Variants in SPTBN1 observed in about 807,000 individuals in gnomAD.
SPTBN1 encodes spectrin beta chain, non-erythrocytic 1.
Under a neutral mutation model 266.4 loss-of-function variants are expected in SPTBN1, and 32 were observed. The observed-to-expected ratio is 0.12, with a 90% CI of 0.09 to 0.16. The LOEUF (loss-of-function observed/expected upper bound fraction) is 0.16, where lower values mean the gene tolerates loss of function less well. SPTBN1 is among the 10% of genes least tolerant of loss of function. The pLI is 1.00. For missense variants in SPTBN1, 2,296 were observed against 3,067.1 expected, an observed-to-expected ratio of 0.75 and a Z score of 5.94; for synonymous variants, 1,336 against 1,162.2, an observed-to-expected ratio of 1.15 and a Z score of -3.04.
intron 4 of SPTBN1, among the ~76,000 whole-genome samples, chr2:54,614,405 C>T (rs1470150661): frequency 1.3e-5 from 2 of 151,948 alleles, no homozygotes; most frequent in South Asian, 2.1e-4. Context: ...TGTGTGCGTG[C>T]GTGTGCTCTC....
chr2:54,612,247 T>C lies in SPTBN1; in HGVS notation c.387T>C (p.His129=). Residue 129 remains histidine (H), a synonymous_variant, in exon 4 of 36, where the codon CAT becomes CAC. Transcript: ENST00000356805. The stretch of plus-strand genomic sequence containing the variant: ...AGTTCCTGAAGGAGCAGAGAGTCCA[T>C]CTTGAGAACATGGGGTCCCATGACA... ...ALQFLKEQRV[H]LENMGSHDIV... 1.2e-6 allele frequency: 2 copies of C among 1,614,078 alleles called. No individual in the cohort carries two copies. The highest frequency in any genetic ancestry group is 1.7e-6 in the Non-Finnish European group (2 of 1,179,956).
At chr2:54,593,822 A>ATTTTT (rs1675848999) in intron 2 of SPTBN1, among the ~76,000 whole-genome samples, 1 of 69,922 alleles carries the variant, frequency 1.4e-5, no homozygotes, top group East Asian at 4.7e-4. Flanking sequence ...TCATGGAAAC[A>ATTTTT]CTTTTTTTTT....
At chr2:54,501,277 G>A (rs1281725493) in intron 1 of SPTBN1, among the ~76,000 whole-genome samples, 1 of 152,142 alleles carries the variant, frequency 6.6e-6, no homozygotes, top group Non-Finnish European at 1.5e-5. Context: ...TGCCTCTGGG[G>A]CTTTTTGGCT....
chr2:54,661,962 G>C (rs1187785010), intron 32 of SPTBN1: 1 of 985,284 alleles, frequency 1.0e-6, no homozygotes, highest in African/African-American at 1.7e-5. Flanking sequence ...AGAAGAAAAA[G>C]TATTTTTATT....
chr2:54,650,953 C>T (rs947384040), intron 26 of SPTBN1, among the ~76,000 whole-genome samples: 13 of 152,210 alleles, frequency 8.5e-5, no homozygotes, highest in African/African-American at 3.1e-4. Context: ...GTTGTTCTCT[C>T]TCACTTCCCC....
chr2:54,602,321 G>C (rs7591204), intron 3 of SPTBN1, among the ~76,000 whole-genome samples: 43,588 of 152,046 alleles, frequency 0.29, 7,532 homozygotes, highest in African/African-American at 0.49. Context: ...CAGGACCAGA[G>C]TAGAATGAGG....
At position 54,646,926 on chromosome 2, in the gene SPTBN1, T is replaced by C. The variant is rs2104075045; in HGVS notation, c.4867-205T>C. Among the ~76,000 whole-genome samples the C allele has an allele frequency of 6.6e-6, 1 of 152,322 alleles. No individual in the cohort carries two copies. Among genetic ancestry groups the C allele is most frequent in the African/African-American group, 2.4e-5 (1 of 41,564 alleles). On this transcript the variant is annotated intron_variant, in intron 23 of 35. Coordinates refer to ENST00000356805, the MANE Select transcript of SPTBN1 (RefSeq NM_003128.3). This position sits in a 1 kb window ranked among gnomAD's most constrained non-coding sequence, Gnocchi z 4.4. ...CCCTGCTCATTCTGCGTTCTCCTTG[T>C]GTTTATCTTCTGCACAGGCTTCTGT...
intron 2 of SPTBN1, among the ~76,000 whole-genome samples, chr2:54,591,505 G>T (rs1486936063): frequency 1.3e-5 from 2 of 152,196 alleles, no homozygotes; most frequent in African/African-American, 4.8e-5. Flanking sequence ...ATACGTGCAG[G>T]TTCAGACTAC....
intron 1 of SPTBN1, among the ~76,000 whole-genome samples, chr2:54,492,272 ATAAAGTAGGTGTACCCTATTTC>A (rs1668723811): frequency 1.3e-5 from 2 of 150,616 alleles, no homozygotes; most frequent in South Asian, 4.2e-4. Context: ...TTATGGCTGT[ATAAAGTAGGTGTACCCTATTTC>A]TAAAGTAGGT....
At chr2:54,589,796 T>G (rs1006117334) in intron 2 of SPTBN1, among the ~76,000 whole-genome samples, 3 of 152,326 alleles carry the variant, frequency 2.0e-5, no homozygotes, top group African/African-American at 7.2e-5. Flanking sequence ...CTTCCTGCTC[T>G]GTGTATTTTG....
chr2:54,582,113 C>T (rs1343356914), intron 2 of SPTBN1, among the ~76,000 whole-genome samples: 2 of 152,170 alleles, frequency 1.3e-5, no homozygotes, highest in Admixed American at 1.3e-4. Context: ...GACACTGATG[C>T]TTTTTAAAAA....
At chr2:54,524,058 G>A (rs1282436966) in intron 1 of SPTBN1, among the ~76,000 whole-genome samples, 1 of 152,120 alleles carries the variant, frequency 6.6e-6, no homozygotes, top group African/African-American at 2.4e-5. Flanking sequence ...AATTAGCTGG[G>A]CATGGTGGCT....
chr2:54,478,951 A>G (rs987481402), intron 1 of SPTBN1, among the ~76,000 whole-genome samples: 1 of 152,170 alleles, frequency 6.6e-6, no homozygotes, highest in Admixed American at 6.5e-5. Context: ...GGAAAGGAGG[A>G]AAGCCCATTG....
chr2:54,479,473 C>G (rs1183277554), intron 1 of SPTBN1, among the ~76,000 whole-genome samples: 1 of 152,152 alleles, frequency 6.6e-6, no homozygotes, highest in Non-Finnish European at 1.5e-5. Flanking sequence ...TGACTGTGGT[C>G]TTTGGTAGGT....
chr2:54,585,412 A>T (rs1011746891), intron 2 of SPTBN1, among the ~76,000 whole-genome samples: 29 of 135,220 alleles, frequency 2.1e-4, no homozygotes, highest in African/African-American at 9.4e-4. Flanking sequence ...TTTTTCCTCC[A>T]GTTTTTCTGT....
chr2:54,467,118 G>C (rs1693677842), intron 1 of SPTBN1, among the ~76,000 whole-genome samples: 1 of 151,946 alleles, frequency 6.6e-6, no homozygotes, highest in Non-Finnish European at 1.5e-5. Context: ...GGCTGTTTCA[G>C]GGATACATTT....
At chr2:54,570,680 G>A (rs551121732) in intron 2 of SPTBN1, among the ~76,000 whole-genome samples, 1 of 152,272 alleles carries the variant, frequency 6.6e-6, no homozygotes, top group Admixed American at 6.5e-5. Flanking sequence ...GGTGGAATTG[G>A]CGTGCCAACA....
intron 1 of SPTBN1, among the ~76,000 whole-genome samples, chr2:54,464,941 C>T (rs1224866600): frequency 6.6e-6 from 1 of 152,196 alleles, no homozygotes; most frequent in Non-Finnish European, 1.5e-5. Context: ...ATCTGCCTGC[C>T]TTGGCCTCCC....
At chr2:54,463,728 CA>C (rs1247794321) in intron 1 of SPTBN1, among the ~76,000 whole-genome samples, 1 of 152,116 alleles carries the variant, frequency 6.6e-6, no homozygotes, top group Non-Finnish European at 1.5e-5. Flanking sequence ...TTCAAATAAA[CA>C]GTTTGATTTG....
Sources: allele counts gnomAD v4.1 joint callset (sites outside exome capture counted in the v4.1 genomes callset), GRCh38; gene constraint gnomAD v4.1.1; non-coding constraint Gnocchi (gnomAD v3.1); transcripts MANE v1.5; gene names NCBI Gene and HGNC (gene_info 2026-07-23, HGNC 2026-07-21).